Variants in STXBP5L observed in about 807,000 individuals in gnomAD.
The protein encoded by STXBP5L is syntaxin binding protein 5L, also known as syntaxin-binding protein 5-like.
A neutral mutation model predicts 144.5 loss-of-function variants in STXBP5L; 65 were observed. That is an observed-to-expected ratio of 0.45 (90% CI 0.37 to 0.55). STXBP5L has a LOEUF of 0.55. Ranked by LOEUF, STXBP5L falls within the 20% of genes least tolerant of loss-of-function variation. The pLI, the probability that STXBP5L is intolerant of heterozygous loss-of-function variation, is 0.00. For synonymous variants in STXBP5L, 505 were observed against 469.6 expected (o/e 1.08, Z -0.97); for missense variants, 1,298 against 1,405.5 (o/e 0.92, Z 1.22).
Position 121,255,045 on chromosome 3 carries a change from T to A in STXBP5L, c.1592T>A (p.Val531Glu). 1 of 1,613,354 alleles carries A rather than the reference T, an allele frequency of 6.2e-7. No individual in the cohort carries two copies. The highest frequency in any genetic ancestry group is 8.5e-7 in the Non-Finnish European group (1 of 1,179,610). The part of the protein sequence containing the change: ...YWCPESRIFC[V>E]SGVSAYVIIY... ...TGTCCAGAGAGCAGAATATTCTGTG[T>A]ATCAGGAGTCTCTGCATATGTCATA... The change falls in exon 16 of 27, where the codon GTA (valine) becomes GAA (glutamate). Residue 531 changes from valine to glutamate, a missense_variant. By Grantham distance (121) the Val-to-Glu change is moderately radical (BLOSUM62 -2). Coordinates refer to ENST00000471454, the MANE Select transcript of STXBP5L (RefSeq NM_001308330.2).
At chr3:121,066,930 C>T (rs927332888) in intron 5 of STXBP5L, among the ~76,000 whole-genome samples, 1 of 151,884 alleles carries the variant, frequency 6.6e-6, no homozygotes, top group Admixed American at 6.6e-5. Flanking sequence ...TTTCTTGAGT[C>T]AGTTTTGGTA....
chr3:121,055,843 C>G (rs1479652312), intron 5 of STXBP5L, among the ~76,000 whole-genome samples: 2 of 150,056 alleles, frequency 1.3e-5, no homozygotes, highest in African/African-American at 2.5e-5. Context: ...CACTATGATG[C>G]CTGACTAATG....
intron 15 of STXBP5L, among the ~76,000 whole-genome samples, chr3:121,254,171 G>C (rs779976007): frequency 6.6e-6 from 1 of 151,998 alleles, no homozygotes; most frequent in Non-Finnish European, 1.5e-5. Context: ...CTTTTCACAG[G>C]ATTCATATTT....
chr3:121,319,058 G>T (rs754416003), intron 20 of STXBP5L, among the ~76,000 whole-genome samples: 2 of 152,022 alleles, frequency 1.3e-5, no homozygotes, highest in African/African-American at 4.8e-5. Flanking sequence ...TGAGAATAAA[G>T]ATTCCTAGGG....
At chr3:121,235,335 T>C (rs894168121) in intron 12 of STXBP5L, among the ~76,000 whole-genome samples, 1 of 152,126 alleles carries the variant, frequency 6.6e-6, no homozygotes, top group African/African-American at 2.4e-5. Flanking sequence ...TATCTTTTTC[T>C]TTCCATTTAA....
At chr3:121,095,804 T>A (rs1200863854) in intron 5 of STXBP5L, among the ~76,000 whole-genome samples, 2 of 152,212 alleles carry the variant, frequency 1.3e-5, no homozygotes, top group East Asian at 3.8e-4. Context: ...TCATTCTCCA[T>A]CCAGCTTTGT....
chr3:121,399,877 C>T (rs902260038), intron 22 of STXBP5L, among the ~76,000 whole-genome samples: 4 of 152,202 alleles, frequency 2.6e-5, no homozygotes, highest in South Asian at 4.1e-4. Flanking sequence ...GTTTCCAACA[C>T]CTATCACTTT....
At chr3:120,986,415 C>G (rs908082959) in intron 3 of STXBP5L, among the ~76,000 whole-genome samples, 4 of 151,954 alleles carry the variant, frequency 2.6e-5, no homozygotes, top group Admixed American at 6.6e-5. Context: ...GTTAAATTCT[C>G]TCTTTATATT....
chr3:121,396,017 C>G (rs1015315402), intron 22 of STXBP5L, among the ~76,000 whole-genome samples: 1 of 152,200 alleles, frequency 6.6e-6, no homozygotes, highest in African/African-American at 2.4e-5. Flanking sequence ...CCTGGAGAAA[C>G]ACAAGCATAA....
chr3:121,284,627 T>C (rs1049280896), intron 19 of STXBP5L, among the ~76,000 whole-genome samples: 2 of 152,140 alleles, frequency 1.3e-5, no homozygotes, highest in African/African-American at 4.8e-5. Context: ...GTCAGTAGGA[T>C]AGAGCATGGC....
chr3:121,069,929 T>G (rs2041729690), intron 5 of STXBP5L, among the ~76,000 whole-genome samples: 1 of 152,240 alleles, frequency 6.6e-6, no homozygotes, highest in African/African-American at 2.4e-5. Context: ...GATGTAGGCA[T>G]TTAATGCTAT....
intron 3 of STXBP5L, among the ~76,000 whole-genome samples, chr3:121,041,091 C>CTT (rs574717075): frequency 3.3e-5 from 5 of 150,934 alleles, no homozygotes; most frequent in African/African-American, 1.2e-4. Context: ...CTCCTCCTTC[C>CTT]TTTTTTTTCT....
intron 5 of STXBP5L, among the ~76,000 whole-genome samples, chr3:121,072,645 G>A (rs1367289681): frequency 6.6e-6 from 1 of 152,158 alleles, no homozygotes; most frequent in Non-Finnish European, 1.5e-5. Context: ...GCTCCAGTAA[G>A]GGCATGGTAA....
intron 25 of STXBP5L, among the ~76,000 whole-genome samples, chr3:121,416,185 G>A (rs919848769): frequency 2.6e-5 from 4 of 151,818 alleles, no homozygotes; most frequent in African/African-American, 9.7e-5. Context: ...TTAGGAAATT[G>A]TTTAACAAAA....
At chr3:120,911,059 T>C (rs1476881729) in intron 2 of STXBP5L, among the ~76,000 whole-genome samples, 1 of 152,122 alleles carries the variant, frequency 6.6e-6, no homozygotes, top group Non-Finnish European at 1.5e-5. Flanking sequence ...CTTTGATGTG[T>C]TTGCAATTTT....
At chr3:121,249,548 T>C (rs1276351586) in intron 14 of STXBP5L, among the ~76,000 whole-genome samples, 40 of 152,172 alleles carry the variant, frequency 2.6e-4, no homozygotes. Flanking sequence ...ATATTGTGTG[T>C]TACAATTTTG....
intron 3 of STXBP5L, among the ~76,000 whole-genome samples, chr3:121,021,802 A>G (rs1391230288): frequency 6.6e-6 from 1 of 152,210 alleles, no homozygotes; most frequent in African/African-American, 2.4e-5. Flanking sequence ...AAATGCCTAT[A>G]TAAAAAAGTC....
chr3:120,994,705 A>T (rs1943199990), intron 3 of STXBP5L, among the ~76,000 whole-genome samples: 1 of 151,398 alleles, frequency 6.6e-6, no homozygotes, highest in Non-Finnish European at 1.5e-5. Context: ...TGATTTTTGC[A>T]TCTTTTTTCA....
intron 3 of STXBP5L, among the ~76,000 whole-genome samples, chr3:120,971,355 A>G (rs534326146): frequency 1.1e-4 from 16 of 150,836 alleles, no homozygotes; most frequent in Admixed American, 3.4e-4. Context: ...AGTAGGTACT[A>G]TTTTATCCTT....
Sources: gnomAD v4.1 joint callset for allele counts (sites outside exome capture counted in the v4.1 genomes callset) on GRCh38, gnomAD v4.1.1 for gene constraint, MANE v1.5 for transcripts, NCBI Gene and HGNC (gene_info 2026-07-23, HGNC 2026-07-21) for gene names.